The following DACH1 variants were observed in gnomAD, a reference collection of about 807,000 sequenced individuals.
The protein encoded by DACH1 is dachshund homolog 1.
A neutral mutation model predicts 54.2 loss-of-function variants in DACH1; 12 were observed. The observed-to-expected ratio is 0.22, with a 90% CI of 0.14 to 0.36. DACH1 has a LOEUF of 0.36. Ranked by LOEUF, DACH1 falls within the 10% of genes least tolerant of loss-of-function variation. The probability of loss-of-function intolerance (pLI) is 1.00; values close to 1 mark genes in which losing one functional copy is unlikely to be tolerated. For synonymous variants in DACH1, 386 were observed against 366.2 expected (o/e 1.05, Z -0.62); for missense variants, 805 against 929.8 (o/e 0.87, Z 1.75).
intron 4 of DACH1, among the ~76,000 whole-genome samples, chr13:71,567,727 T>C (rs746458665): frequency 1.1e-4 from 16 of 152,052 alleles, no homozygotes; most frequent in South Asian, 4.1e-4. Context: ...ATGGTCACAC[T>C]GGTTGGAGGT....
At chr13:71,518,285 A>G (rs1881310797) in intron 6 of DACH1, among the ~76,000 whole-genome samples, 1 of 151,776 alleles carries the variant, frequency 6.6e-6, no homozygotes, top group Non-Finnish European at 1.5e-5. Context: ...CACAGAGGAA[A>G]GGCCATATGA....
At chr13:71,813,760 C>G (rs1887808362) in intron 1 of DACH1, among the ~76,000 whole-genome samples, 1 of 151,936 alleles carries the variant, frequency 6.6e-6, no homozygotes, top group African/African-American at 2.4e-5. Context: ...AAAGGGATTG[C>G]CATTTTTCAA....
intron 1 of DACH1, among the ~76,000 whole-genome samples, chr13:71,793,049 TGGGAGAA>T (rs1482050371): frequency 6.6e-6 from 1 of 152,160 alleles, no homozygotes; most frequent in Non-Finnish European, 1.5e-5. Context: ...ACTTCTTCAA[TGGGAGAA>T]GTATCAAACA....
intron 2 of DACH1, among the ~76,000 whole-genome samples, chr13:71,649,919 TG>T (rs1321845117): frequency 1.3e-5 from 2 of 152,186 alleles, no homozygotes; most frequent in Non-Finnish European, 2.9e-5. Flanking sequence ...GGTGCTATCT[TG>T]GAATTCAAAT....
At chr13:71,473,257 A>T (rs1877241397) in intron 10 of DACH1, among the ~76,000 whole-genome samples, 1 of 152,206 alleles carries the variant, frequency 6.6e-6, no homozygotes, top group African/African-American at 2.4e-5. Flanking sequence ...TAAAGGCAAA[A>T]ATAATTCCAT....
At chr13:71,720,616 T>A (rs928266357) in intron 1 of DACH1, among the ~76,000 whole-genome samples, 1 of 152,196 alleles carries the variant, frequency 6.6e-6, no homozygotes, top group African/African-American at 2.4e-5. Context: ...GGTATTTTAA[T>A]GAAATATGAA....
At chr13:71,526,607 A>G (rs1414834296) in intron 6 of DACH1, among the ~76,000 whole-genome samples, 1 of 151,918 alleles carries the variant, frequency 6.6e-6, no homozygotes, top group Admixed American at 6.6e-5. Context: ...CTGGTATATA[A>G]TAAGCACTAT....
At chr13:71,502,219 A>T (rs1205193724) in intron 6 of DACH1, among the ~76,000 whole-genome samples, 4 of 152,138 alleles carry the variant, frequency 2.6e-5, no homozygotes, top group Non-Finnish European at 5.9e-5. Context: ...GTTCACATCA[A>T]CCAGCCTAGA....
intron 10 of DACH1, among the ~76,000 whole-genome samples, chr13:71,467,344 T>C (rs1338829108): frequency 2.0e-5 from 2 of 99,020 alleles, no homozygotes; most frequent in Non-Finnish European, 3.8e-5. Flanking sequence ...CTCTGGGGAC[T>C]GTTGTGGGGT....
At chr13:71,607,804 C>T (rs1185488691) in intron 3 of DACH1, among the ~76,000 whole-genome samples, 1 of 151,886 alleles carries the variant, frequency 6.6e-6, no homozygotes, top group East Asian at 1.9e-4. Context: ...TGAAAGATAC[C>T]AACAAAATTC....
chr13:71,739,243 A>G (rs9572775), intron 1 of DACH1, among the ~76,000 whole-genome samples: 9,976 of 152,058 alleles, frequency 0.066, 772 homozygotes, highest in East Asian at 0.26. Flanking sequence ...CAAGAGTGAA[A>G]CTATGTCTCA....
At chr13:71,705,243 A>G (rs1428261280) in intron 1 of DACH1, among the ~76,000 whole-genome samples, 1 of 152,212 alleles carries the variant, frequency 6.6e-6, no homozygotes, top group African/African-American at 2.4e-5. Context: ...TCCTCTAGTA[A>G]TAATATTTTG....
intron 6 of DACH1, among the ~76,000 whole-genome samples, chr13:71,507,175 TC>T (rs1157630122): frequency 3.3e-5 from 5 of 152,126 alleles, no homozygotes; most frequent in South Asian, 4.1e-4. Flanking sequence ...TTCTTATACA[TC>T]CCCGATCTAT....
At chr13:71,595,307 A>C (rs568491927) in intron 3 of DACH1, among the ~76,000 whole-genome samples, 1 of 152,230 alleles carries the variant, frequency 6.6e-6, no homozygotes, top group South Asian at 2.1e-4. Flanking sequence ...AAGGGATTGT[A>C]GGTTATTGGA....
intron 1 of DACH1, among the ~76,000 whole-genome samples, chr13:71,685,532 G>A (rs776933892): frequency 1.1e-4 from 17 of 152,094 alleles, no homozygotes; most frequent in Non-Finnish European, 1.9e-4. Context: ...CTTCTTGGCT[G>A]AGGAGAAGTT....
At chr13:71,591,171 G>T (rs147988707) in intron 3 of DACH1, among the ~76,000 whole-genome samples, 1 of 151,704 alleles carries the variant, frequency 6.6e-6, no homozygotes, top group African/African-American at 2.4e-5. Context: ...GAGCTGTTGC[G>T]ACCGGCCTCA....
chr13:71,573,362 G>GAT, intron 3 of DACH1: 1 of 706,324 alleles, frequency 1.4e-6, no homozygotes, highest in South Asian at 1.5e-5. Flanking sequence ...TTTGCCAACT[G>GAT]ATAAATACAA....
intron 1 of DACH1, among the ~76,000 whole-genome samples, chr13:71,834,753 C>T (rs1347590746): frequency 1.9e-4 from 29 of 151,890 alleles, no homozygotes; most frequent in Admixed American, 1.9e-3. Flanking sequence ...GACTTTAATA[C>T]GATATTGGGA....
In DACH1 at chr13:71,556,990, C is replaced by T. The variant is rs377382814; in HGVS notation, c.1570+34G>A. On this transcript the variant is annotated intron_variant, in intron 6 of 10. Coordinates refer to ENST00000613252, the MANE Select transcript of DACH1 (RefSeq NM_080759.6). ...AATCTAGTTCTAAAATCTATTGAAT[C>T]GGGAAAAACAAGGAATATATAATCA... 142 of 1,538,648 alleles carry T rather than the reference C, an allele frequency of 9.2e-5. 1 individual carries two copies. The African/African-American group carries it at 1.0e-3, about 11-fold the overall frequency.
Sources: gnomAD v4.1 joint callset for allele counts (sites outside exome capture counted in the v4.1 genomes callset) on GRCh38, gnomAD v4.1.1 for gene constraint, MANE v1.5 for transcripts, NCBI Gene and HGNC (gene_info 2026-07-23, HGNC 2026-07-21) for gene names.